TMC1: variants seen among roughly 807,000 people sequenced by gnomAD.
TMC1 encodes transmembrane channel like 1, also known as transmembrane channel-like protein 1.
TMC1 carries 84 observed loss-of-function variants against 105.8 expected under a neutral mutation model. That is an observed-to-expected ratio of 0.79 (90% confidence interval 0.67 to 0.95). The LOEUF (loss-of-function observed/expected upper bound fraction) is 0.95. Among genes scored for constraint, TMC1 ranks in the 40% least tolerant of loss-of-function variants. The pLI is 0.00. For synonymous variants in TMC1, 315 were observed against 311.5 expected, an observed-to-expected ratio of 1.01 and a Z score of -0.12; for missense variants, 817 against 914.1, an observed-to-expected ratio of 0.89 and a Z score of 1.37.
At chr9:72,649,501 A>G (rs2132150784) in intron 5 of TMC1, among the ~76,000 whole-genome samples, 1 of 152,338 alleles carries the variant, frequency 6.6e-6, no homozygotes, top group East Asian at 1.9e-4. Flanking sequence ...GAGATAATCT[A>G]GTAAAGCCAT....
Position 72,605,217 on chromosome 9 carries a change from A to G in TMC1, c.-305-11151A>G, listed in dbSNP as rs191826052. Reference sequence around the variant, plus strand: ...CCAAACAACTGAGGGGTTATCATTTATCTATAGTTGCATAACAAATTACCC... The same window carrying G: ...CCAAACAACTGAGGGGTTATCATTTGTCTATAGTTGCATAACAAATTACCC... On this transcript the variant is annotated intron_variant, in intron 2 of 23. Coordinates refer to ENST00000297784, the MANE Select transcript of TMC1 (RefSeq NM_138691.3). Among the ~76,000 whole-genome samples, 8 of 152,350 alleles carry G rather than the reference A, an allele frequency of 5.3e-5. No individual in the cohort carries two copies. In the East Asian group the frequency reaches 1.5e-3, roughly 29 times the overall value.
chr9:72,623,143 CCCT>C (rs1472351416), intron 3 of TMC1, among the ~76,000 whole-genome samples: 2 of 139,820 alleles, frequency 1.4e-5, no homozygotes, highest in African/African-American at 5.4e-5. Flanking sequence ...CTCTCTCTCT[CCCT>C]GTTTTTTTTT....
chr9:72,741,071 T>G (rs1363190337), intron 9 of TMC1: 1 of 157,652 alleles, frequency 6.3e-6, no homozygotes, highest in African/African-American at 2.4e-5. Flanking sequence ...CCCATTCTAT[T>G]GTAGATGGAC....
intron 2 of TMC1, among the ~76,000 whole-genome samples, chr9:72,608,549 A>C (rs1303795842): frequency 6.6e-6 from 1 of 152,098 alleles, no homozygotes; most frequent in Non-Finnish European, 1.5e-5. Flanking sequence ...TCTACTAAAA[A>C]TACAAAAAAT....
At chr9:72,545,976 A>G (rs1205423721) in intron 1 of TMC1, among the ~76,000 whole-genome samples, 1 of 151,990 alleles carries the variant, frequency 6.6e-6, no homozygotes, top group Non-Finnish European at 1.5e-5. Context: ...CTTCACTAGA[A>G]AATTAATCAT....
At chr9:72,706,320 G>A (rs1419838490) in intron 8 of TMC1, among the ~76,000 whole-genome samples, 2 of 152,150 alleles carry the variant, frequency 1.3e-5, no homozygotes, top group Non-Finnish European at 2.9e-5. Flanking sequence ...CTATACAAGA[G>A]GACATTTAAG....
chr9:72,658,958 T>C (rs995933815), intron 5 of TMC1, among the ~76,000 whole-genome samples: 3 of 152,224 alleles, frequency 2.0e-5, no homozygotes, highest in African/African-American at 7.2e-5. Context: ...TATGGCCACA[T>C]AGTGTGAGCA....
chr9:72,565,734 G>A (rs1214134317), intron 1 of TMC1, among the ~76,000 whole-genome samples: 1 of 152,168 alleles, frequency 6.6e-6, no homozygotes, highest in Non-Finnish European at 1.5e-5. Flanking sequence ...GGTGAAGGAG[G>A]AGCAAAGGCA....
At chr9:72,800,557 G>A (rs1000609052) in intron 17 of TMC1, among the ~76,000 whole-genome samples, 1 of 151,956 alleles carries the variant, frequency 6.6e-6, no homozygotes, top group Non-Finnish European at 1.5e-5. Flanking sequence ...ATGGTTCTGC[G>A]ATAGTCCCAC....
intron 8 of TMC1, among the ~76,000 whole-genome samples, chr9:72,735,945 C>A (rs1387748208): frequency 6.6e-6 from 1 of 152,162 alleles, no homozygotes; most frequent in Non-Finnish European, 1.5e-5. Flanking sequence ...CTATGGGGAG[C>A]AGGGATTAGC....
At chr9:72,680,240 A>G (rs1185712841) in intron 5 of TMC1, among the ~76,000 whole-genome samples, 1 of 152,180 alleles carries the variant, frequency 6.6e-6, no homozygotes, top group Non-Finnish European at 1.5e-5. Flanking sequence ...ATAAATTAAT[A>G]TGTATACCAC....
At chr9:72,762,815 C>T (rs1470133006) in intron 12 of TMC1, among the ~76,000 whole-genome samples, 3 of 152,124 alleles carry the variant, frequency 2.0e-5, no homozygotes, top group Admixed American at 6.5e-5. Context: ...GGGCTCTGTC[C>T]CTTATTTACT....
At position 72,837,240 on chromosome 9, in the gene TMC1, C is replaced by T. The variant is rs1829139450; in HGVS notation, c.*1267C>T. The T allele has an allele frequency of 6.6e-6, 1 of 152,204 alleles. No homozygotes were observed. 9.4% of individuals were successfully genotyped at this position (152,204 alleles called of 1,614,324 possible). A position where few individuals can be genotyped will look rare whatever the true frequency, so the allele number is the denominator to read the frequency against. Reference sequence around the variant, plus strand: ...ATACTAGTTAAACTCTGCCATTTTGCTTAGTGGGCATGCTTGAGCCCACTT... The same window carrying T: ...ATACTAGTTAAACTCTGCCATTTTGTTTAGTGGGCATGCTTGAGCCCACTT... On this transcript the variant is annotated 3_prime_UTR_variant, in exon 24 of 24. Transcript: ENST00000297784.
chr9:72,529,425 G>A (rs1457313850), intron 1 of TMC1, among the ~76,000 whole-genome samples: 5 of 152,020 alleles, frequency 3.3e-5, no homozygotes, highest in East Asian at 1.9e-4. Context: ...ACACTAGCTC[G>A]GGCAACATAG....
At chr9:72,630,570 ATG>A (rs1825432598) in intron 4 of TMC1, among the ~76,000 whole-genome samples, 1 of 152,320 alleles carries the variant, frequency 6.6e-6, no homozygotes, top group African/African-American at 2.4e-5. Flanking sequence ...ATGCAACTTA[ATG>A]TGTCATTAAA....
intron 10 of TMC1, among the ~76,000 whole-genome samples, chr9:72,748,378 A>C (rs1404092939): frequency 6.6e-6 from 1 of 152,216 alleles, no homozygotes; most frequent in Admixed American, 6.5e-5. Flanking sequence ...TCAACTTTTG[A>C]TTCAGTCAAC....
At chr9:72,643,559 T>C (rs1315076887) in intron 4 of TMC1, among the ~76,000 whole-genome samples, 1 of 152,160 alleles carries the variant, frequency 6.6e-6, no homozygotes, top group Non-Finnish European at 1.5e-5. Flanking sequence ...CATGTGCTCT[T>C]TTTTTTGTCT....
At chr9:72,546,671 C>T (rs11143321) in intron 1 of TMC1, among the ~76,000 whole-genome samples, 79,753 of 152,032 alleles carry the variant, frequency 0.52, 21,865 homozygotes, top group African/African-American at 0.69. Flanking sequence ...AAAGACTGAA[C>T]ACAGAATTTT....
At chr9:72,640,618 TTTTTTTG>T (rs932273836) in intron 4 of TMC1, among the ~76,000 whole-genome samples, 8 of 150,088 alleles carry the variant, frequency 5.3e-5, no homozygotes, top group African/African-American at 1.2e-4. Flanking sequence ...TTGGGATTTG[TTTTTTTG>T]TTTTTTGTTT....
Sources: allele counts gnomAD v4.1 joint callset (sites outside exome capture counted in the v4.1 genomes callset), GRCh38; gene constraint gnomAD v4.1.1; transcripts MANE v1.5; gene names NCBI Gene and HGNC (gene_info 2026-07-23, HGNC 2026-07-21).